The following TKTL1 variants were observed in gnomAD, a reference collection of about 807,000 sequenced individuals.
TKTL1 encodes the protein transketolase like 1.
TKTL1 carries 1 observed loss-of-function variant against 39.3 expected under a neutral mutation model. The ratio of observed to expected loss-of-function variants is 0.03; its 90% CI spans 0.01 to 0.12. The LOEUF (loss-of-function observed/expected upper bound fraction) is 0.12. TKTL1 is among the 10% of genes least tolerant of loss of function. The pLI is 1.00. For missense variants in TKTL1, 575 were observed against 509.6 expected, an observed-to-expected ratio of 1.13 and a Z score of -1.24; for synonymous variants, 262 against 193.8, an observed-to-expected ratio of 1.35 and a Z score of -2.92.
At chrX:154,323,911 C>T (rs1384185207) in intron 9 of TKTL1, among the ~76,000 whole-genome samples, 3 of 112,600 alleles carry the variant, frequency 2.7e-5, no homozygotes, top group East Asian at 2.8e-4. Flanking sequence ...GCACGGGAGA[C>T]GAGGCAGTGT....
intron 8 of TKTL1, among the ~76,000 whole-genome samples, chrX:154,321,883 C>T (rs1038761127): frequency 3.7e-5 from 4 of 108,975 alleles, no homozygotes; most frequent in African/African-American, 1.3e-4. Flanking sequence ...AGAGGAGGCG[C>T]GGCAGTGTTG....
At chrX:154,328,072 TTTG>T in intron 12 of TKTL1, 114 bp downstream of exon 12, 1 of 970,189 alleles carries the variant, frequency 1.0e-6, no homozygotes, top group South Asian at 2.2e-5. Context: ...CCAGCATGGC[TTTG>T]TTATTTGATG....
chrX:154,299,149 CTTTTTTTT>C (rs1180562974), intron 1 of TKTL1, among the ~76,000 whole-genome samples: 10 of 35,929 alleles, frequency 2.8e-4, no homozygotes, highest in East Asian at 8.1e-4. Flanking sequence ...CTTTTTCTTT[CTTTTTTTT>C]TTTTTTTTTT....
chrX:154,329,693 G>C lies in TKTL1; in HGVS notation c.*5G>C, dbSNP rs1157091906. 1.7e-6 allele frequency: 2 copies of C among 1,205,731 alleles called. No individual in the cohort carries two copies. The highest frequency in any genetic ancestry group is 3.5e-5 in the African/African-American group (2 of 57,174). ...AAATGCATGTTGCTGAACTAAAATAGCTGTTAGCTTTGGTCTTTTGGCCTC... is the reference window on the plus strand; with the variant it reads ...AAATGCATGTTGCTGAACTAAAATACCTGTTAGCTTTGGTCTTTTGGCCTC... On this transcript the variant is annotated 3_prime_UTR_variant, in exon 13 of 13. Coordinates refer to ENST00000369915, the MANE Select transcript of TKTL1 (RefSeq NM_012253.4).
At chrX:154,320,730 T>C (rs782246742) in intron 7 of TKTL1, 27 bp from the exon 8 acceptor site, 1 of 1,205,987 alleles carries the variant, frequency 8.3e-7, no homozygotes, top group African/African-American at 1.8e-5. Context: ...CCCAGGGATG[T>C]TCTGATTCAT....
intron 1 of TKTL1, among the ~76,000 whole-genome samples, chrX:154,297,931 TGAA>T (rs781986885): frequency 6.4e-4 from 72 of 112,050 alleles, no homozygotes; most frequent in African/African-American, 2.3e-3. Context: ...TTGAGGAGTT[TGAA>T]GAAGACTGTT....
chrX:154,311,981 C>T (rs1023945049), intron 5 of TKTL1, among the ~76,000 whole-genome samples: 13 of 110,972 alleles, frequency 1.2e-4, no homozygotes, highest in African/African-American at 4.3e-4. Flanking sequence ...TTGCCACACC[C>T]ATCATCTCTC....
intron 8 of TKTL1, among the ~76,000 whole-genome samples, chrX:154,322,832 T>G (rs1341132952): frequency 9.0e-6 from 1 of 111,722 alleles, no homozygotes; most frequent in East Asian, 2.8e-4. Flanking sequence ...ATAGAAAAGA[T>G]AGAGCAGAAA....
intron 1 of TKTL1, among the ~76,000 whole-genome samples, chrX:154,298,121 G>GGT (rs1471519172): frequency 9.0e-6 from 1 of 111,407 alleles, no homozygotes; most frequent in African/African-American, 3.3e-5. Context: ...ATTTCTTGTA[G>GGT]GTTAGTCCAT....
In TKTL1 at chrX:154,329,773, AT is replaced by A; in HGVS notation, c.*89del. 9.2e-7 allele frequency: 1 copy of A among 1,083,170 alleles called. No individual in the cohort carries two copies. The highest frequency in any genetic ancestry group is 2.2e-5 in the South Asian group (1 of 46,172). 89.3% of individuals were successfully genotyped at this position (1,083,170 alleles called of 1,213,427 possible). On this transcript the variant is annotated 3_prime_UTR_variant, in exon 13 of 13. Transcript: ENST00000369915. ...CCATCATTTAAATCTCTACTGTCAC[AT>A]TTTGTTTCTTAAAAGCAAAGCCAGC... is the stretch of plus-strand genomic sequence containing the variant.
At chrX:154,316,545 C>A (rs1403796243) in intron 7 of TKTL1, among the ~76,000 whole-genome samples, 9 of 110,330 alleles carry the variant, frequency 8.2e-5, no homozygotes, top group African/African-American at 2.6e-4. Context: ...AGCGAGACCC[C>A]ATCTCAAAAA....
At chrX:154,323,392 T>C (rs2067467625) in intron 9 of TKTL1, 55 bp downstream of exon 9, 1 of 1,152,219 alleles carries the variant, frequency 8.7e-7, no homozygotes, top group Non-Finnish European at 1.2e-6. Flanking sequence ...ACTCTGCTAG[T>C]TTCATACTGA....
At chrX:154,297,137 A>AAAAT (rs2067236282) in intron 1 of TKTL1, among the ~76,000 whole-genome samples, 1 of 112,318 alleles carries the variant, frequency 8.9e-6, no homozygotes, top group African/African-American at 3.2e-5. Context: ...AAAATAAAGT[A>AAAAT]AAAGAAACCG....
intron 8 of TKTL1, among the ~76,000 whole-genome samples, chrX:154,322,777 G>A (rs1557171151): frequency 9.0e-6 from 1 of 111,662 alleles, no homozygotes; most frequent in East Asian, 2.8e-4. Context: ...AAGGCCTGGA[G>A]AAATGAAAAA....
chrX:154,322,116 C>G (rs1321228771), intron 8 of TKTL1, among the ~76,000 whole-genome samples: 1 of 108,024 alleles, frequency 9.3e-6, no homozygotes, highest in East Asian at 2.9e-4. Flanking sequence ...CACCTGTATT[C>G]CAGCTACTCA....
chrX:154,321,871 A>T (rs1234797814), intron 8 of TKTL1, among the ~76,000 whole-genome samples: 1 of 109,091 alleles, frequency 9.2e-6, no homozygotes, highest in Non-Finnish European at 1.9e-5. Context: ...TGGTGGCCAG[A>T]GAGAGGAGGC....
At chrX:154,305,077 G>A in intron 1 of TKTL1, 1 of 1,136,172 alleles carries the variant, frequency 8.8e-7, no homozygotes, top group Non-Finnish European at 1.2e-6. Context: ...CGAGTCCACG[G>A]TGCTCTGCGG....
At chrX:154,322,531 A>C (rs1392167237) in intron 8 of TKTL1, among the ~76,000 whole-genome samples, 1 of 111,329 alleles carries the variant, frequency 9.0e-6, no homozygotes, top group Non-Finnish European at 1.9e-5. Context: ...ACTCTGTCTC[A>C]AAATAATAAT....
intron 1 of TKTL1, among the ~76,000 whole-genome samples, chrX:154,300,079 A>C (rs1345756159): frequency 9.5e-6 from 1 of 104,741 alleles, no homozygotes; most frequent in African/African-American, 3.5e-5. Context: ...GCAGTGGCGC[A>C]ATGTTGGCTC....
Sources: gnomAD v4.1 joint callset for allele counts (sites outside exome capture counted in the v4.1 genomes callset) on GRCh38, gnomAD v4.1.1 for gene constraint, MANE v1.5 for transcripts, NCBI Gene and HGNC (gene_info 2026-07-23, HGNC 2026-07-21) for gene names.